Variants in FANCA observed in about 807,000 individuals in gnomAD.
FANCA encodes FA complementation group A, also known as Fanconi anemia group A protein.
FANCA carries 236 observed loss-of-function variants against 194.3 expected under a neutral mutation model. That is an observed-to-expected ratio of 1.21 (90% CI 1.09 to 1.35). The LOEUF (loss-of-function observed/expected upper bound fraction) is 1.35. Among genes scored for constraint, FANCA ranks in the 40% most tolerant of loss-of-function variants. FANCA has a pLI of 0.00. For missense variants in FANCA, 2,628 were observed against 1,813.9 expected (o/e 1.45, Z -8.15); for synonymous variants, 1,014 against 715.8 (o/e 1.42, Z -6.65).
intron 1 of FANCA, 34 bp downstream of exon 1, chr16:89,816,503 C>T (rs771151307): frequency 1.4e-6 from 2 of 1,467,538 alleles, no homozygotes; most frequent in South Asian, 1.3e-5. Context: ...GGGCCGGACG[C>T]CGCCCACTCC....
intron 31 of FANCA, among the ~76,000 whole-genome samples, chr16:89,751,047 A>G (rs928589628): frequency 6.6e-6 from 1 of 152,076 alleles, no homozygotes; most frequent in Admixed American, 6.6e-5. Context: ...ACACACCACC[A>G]TGCTTGACTA....
intron 21 of FANCA, among the ~76,000 whole-genome samples, chr16:89,773,913 G>A (rs942073985): frequency 6.6e-6 from 1 of 151,928 alleles, no homozygotes; most frequent in Non-Finnish European, 1.5e-5. Flanking sequence ...GGGACTACAG[G>A]CACGCACCAC....
At chr16:89,782,704 A>G (rs946238310) in intron 17 of FANCA, among the ~76,000 whole-genome samples, 155 bp downstream of exon 17, 2 of 152,154 alleles carry the variant, frequency 1.3e-5, no homozygotes, top group African/African-American at 4.8e-5. Flanking sequence ...ACAGCAACAC[A>G]GAGGCCCGCA....
chr16:89,758,519 T>A, intron 30 of FANCA, 58 bp downstream of exon 30: 1 of 1,596,806 alleles, frequency 6.3e-7, no homozygotes, highest in Admixed American at 1.7e-5. Context: ...CTCCCCTTTA[T>A]ATATATCCTA....
intron 30 of FANCA, among the ~76,000 whole-genome samples, chr16:89,754,178 C>T (rs974555196): frequency 6.6e-6 from 1 of 151,634 alleles, no homozygotes; most frequent in Non-Finnish European, 1.5e-5. Flanking sequence ...GCCGAGATTG[C>T]ACCACTGCAC....
At chr16:89,785,896 C>T (rs2039880555) in intron 14 of FANCA, among the ~76,000 whole-genome samples, 1 of 135,880 alleles carries the variant, frequency 7.4e-6, no homozygotes, top group African/African-American at 2.9e-5. Flanking sequence ...GCTCTGTCAC[C>T]CAGGCTGGAG....
intron 8 of FANCA, among the ~76,000 whole-genome samples, chr16:89,801,164 T>C (rs2040437381): frequency 6.6e-6 from 1 of 151,310 alleles, no homozygotes; most frequent in East Asian, 1.9e-4. Context: ...ACCAACACTG[T>C]GAAAGCCCAT....
At chr16:89,754,307 A>G (rs565978129) in intron 30 of FANCA, among the ~76,000 whole-genome samples, 13 of 151,762 alleles carry the variant, frequency 8.6e-5, no homozygotes, top group Non-Finnish European at 2.9e-5. Context: ...CAAGAAAAAG[A>G]AAAAGCATCC....
chr16:89,810,415 T>C (rs952710511), intron 5 of FANCA, among the ~76,000 whole-genome samples: 2 of 152,080 alleles, frequency 1.3e-5, no homozygotes, highest in Admixed American at 6.5e-5. Flanking sequence ...TAGTTTACTA[T>C]ACTACCCTGG....
chr16:89,773,432 C>A (rs2039393154), intron 21 of FANCA, 48 bp from the exon 22 acceptor site: 1 of 1,314,914 alleles, frequency 7.6e-7, no homozygotes, highest in African/African-American at 1.5e-5. Flanking sequence ...CAACAGGACT[C>A]TTCACTGCAA....
intron 27 of FANCA, among the ~76,000 whole-genome samples, chr16:89,765,769 G>C (rs377601365): frequency 1.3e-5 from 2 of 152,238 alleles, no homozygotes; most frequent in East Asian, 1.9e-4. Context: ...TGCTGGGTGG[G>C]AACCACGCTG....
intron 3 of FANCA, among the ~76,000 whole-genome samples, chr16:89,812,731 T>C (rs2040944706): frequency 6.8e-6 from 1 of 147,068 alleles, no homozygotes; most frequent in African/African-American, 2.5e-5. Context: ...ACATTATCAA[T>C]ACATAAGTAA....
At chr16:89,763,267 T>A (rs1190458971) in intron 28 of FANCA, among the ~76,000 whole-genome samples, 1 of 151,756 alleles carries the variant, frequency 6.6e-6, no homozygotes, top group African/African-American at 2.4e-5. Flanking sequence ...AATAATAATT[T>A]AAAAATAATA....
chr16:89,773,422 C>T (rs2039392692), intron 21 of FANCA, 38 bp from the exon 22 acceptor site: 3 of 1,390,042 alleles, frequency 2.2e-6, no homozygotes, highest in African/African-American at 1.4e-5. Flanking sequence ...GAAAGACACT[C>T]AACAGGACTC....
chr16:89,799,046 G>A, intron 10 of FANCA, 120 bp downstream of exon 10: 2 of 1,614,280 alleles, frequency 1.2e-6, no homozygotes, highest in East Asian at 2.2e-5. Context: ...GTAACTGGCA[G>A]AGGAAGTGTG....
At chr16:89,798,513 C>A in intron 10 of FANCA, 1 of 1,103,230 alleles carries the variant, frequency 9.1e-7, no homozygotes, top group Non-Finnish European at 1.1e-6. Flanking sequence ...GTGGCAAATT[C>A]TACTGGTTTC....
intron 14 of FANCA, among the ~76,000 whole-genome samples, chr16:89,789,576 A>C (rs1360494006): frequency 6.6e-6 from 1 of 151,048 alleles, no homozygotes; most frequent in East Asian, 2.0e-4. Context: ...AGTAGCCAGG[A>C]CCACAGGTGC....
chr16:89,767,749 C>T (rs1444593157), intron 26 of FANCA, among the ~76,000 whole-genome samples: 4 of 152,160 alleles, frequency 2.6e-5, no homozygotes, highest in African/African-American at 7.2e-5. Context: ...GGGGTTTCAC[C>T]GTGTTAGCGA....
At chr16:89,767,956 G>A (rs936893378) in intron 26 of FANCA, among the ~76,000 whole-genome samples, 4 of 152,104 alleles carry the variant, frequency 2.6e-5, no homozygotes, top group African/African-American at 7.2e-5. Context: ...AAAGTGCTGG[G>A]ATTACAGCGT....
Sources: allele counts gnomAD v4.1 joint callset (sites outside exome capture counted in the v4.1 genomes callset), GRCh38; gene constraint gnomAD v4.1.1; transcripts MANE v1.5; gene names NCBI Gene and HGNC (gene_info 2026-07-23, HGNC 2026-07-21).